The following CALN1 variants were observed in gnomAD, a reference collection of about 807,000 sequenced individuals.
CALN1 encodes calcium-binding protein 8.
In CALN1, 17 loss-of-function variants were observed where a neutral mutation model predicts 30.6. The ratio of observed to expected loss-of-function variants is 0.56; its 90% CI spans 0.38 to 0.83. CALN1 has a LOEUF of 0.83. CALN1 is among the 40% of genes least tolerant of loss of function. CALN1 has a pLI of 0.00. For synonymous variants in CALN1, 156 were observed against 131.4 expected, an observed-to-expected ratio of 1.19 and a Z score of -1.28; for missense variants, 291 against 354.9, an observed-to-expected ratio of 0.82 and a Z score of 1.45.
the CALN1 span, among the ~76,000 whole-genome samples, chr7:72,494,058 G>T: frequency 3.3e-5 from 5 of 152,114 alleles, no homozygotes; most frequent in African/African-American, 1.2e-4. Context: ...GGGCATGGTG[G>T]TGCATGCCTG....
chr7:72,168,537 A>G (rs1788694260), intron 3 of CALN1, among the ~76,000 whole-genome samples: 1 of 152,156 alleles, frequency 6.6e-6, no homozygotes, highest in South Asian at 2.1e-4. Flanking sequence ...TTTTATTTAT[A>G]ATGTTTGTGT....
At chr7:72,320,205 G>C (rs971259152) in intron 2 of CALN1, among the ~76,000 whole-genome samples, 7 of 152,156 alleles carry the variant, frequency 4.6e-5, no homozygotes, top group African/African-American at 1.4e-4. Flanking sequence ...GGCAGAGAGG[G>C]AGGGCCAAGA....
chr7:72,333,043 A>C (rs999188767), intron 2 of CALN1, among the ~76,000 whole-genome samples: 6 of 152,124 alleles, frequency 3.9e-5, no homozygotes, highest in Non-Finnish European at 4.4e-5. Context: ...TCCCTGTCTC[A>C]ACCTTTAAGC....
At chr7:71,948,602 T>C (rs1190237557) in intron 5 of CALN1, among the ~76,000 whole-genome samples, 1 of 151,800 alleles carries the variant, frequency 6.6e-6, no homozygotes, top group Non-Finnish European at 1.5e-5. Flanking sequence ...TGGTGGTGCA[T>C]TGCCTGTAAT....
intron 2 of CALN1, among the ~76,000 whole-genome samples, chr7:72,318,401 CAGA>C (rs1183229260): frequency 6.6e-6 from 1 of 152,170 alleles, no homozygotes; most frequent in Non-Finnish European, 1.5e-5. Context: ...GAGCAAGGGA[CAGA>C]AGATCAGGAT....
At chr7:72,144,917 A>C (rs1404968920) in intron 3 of CALN1, among the ~76,000 whole-genome samples, 1 of 149,100 alleles carries the variant, frequency 6.7e-6, no homozygotes, top group Non-Finnish European at 1.5e-5. Flanking sequence ...TGTTCTTTGA[A>C]ACCAACGAGA....
rs543655098 is a variant in CALN1 at position 72,181,494 on chromosome 7, T to A, written c.245-75200A>T. ...AGTAAGGATTTCCATAACTTTTTTT[T>A]TTTTTTGAGAGTCTTGCTCTGTCAC... is the stretch of plus-strand genomic sequence containing the variant. On this transcript the variant is annotated intron_variant, in intron 3 of 6. Coordinates refer to ENST00000395275, the MANE Select transcript of CALN1 (RefSeq NM_031468.4). Among the ~76,000 whole-genome samples the A allele has an allele frequency of 3.9e-3, 13 of 3,332 alleles. 1 individual carries two copies. In the South Asian group the frequency reaches 0.35, roughly 90 times the overall value. The allele number at this position is 3,332 out of a possible 152,430, so 2.2% of individuals were successfully genotyped here. A position where few individuals can be genotyped will look rare whatever the true frequency, so the allele number is the denominator to read the frequency against.
chr7:72,370,062 T>G (rs866283648), intron 2 of CALN1, among the ~76,000 whole-genome samples: 2 of 152,210 alleles, frequency 1.3e-5, no homozygotes, highest in African/African-American at 4.8e-5. Flanking sequence ...TACAAAATAG[T>G]TGTACCATTT....
chr7:72,069,361 T>TA (rs796346147), intron 4 of CALN1, among the ~76,000 whole-genome samples: 20 of 152,192 alleles, frequency 1.3e-4, no homozygotes, highest in African/African-American at 3.6e-4. Flanking sequence ...CTGGTGGCTT[T>TA]AAAAAAACAA....
rs1432475125 is a variant in CALN1, at chr7:72,424,615, G to C, written c.-225-12340C>G. Among the ~76,000 whole-genome samples the C allele has an allele frequency of 2.0e-5, 3 of 150,908 alleles. No homozygotes were observed. The South Asian group carries it at 6.3e-4, about 32-fold the overall frequency. ...ATTTATTTTATTTTATTTTTTTTTAGAGAACGTGTCTCACTGTATCACCCA... is the reference window on the plus strand; with the variant it reads ...ATTTATTTTATTTTATTTTTTTTTACAGAACGTGTCTCACTGTATCACCCA... On this transcript the variant is annotated intron_variant, in intron 1 of 6. Transcript: ENST00000395276.
intron 2 of CALN1, among the ~76,000 whole-genome samples, chr7:72,299,696 T>TTC (rs1207007236): frequency 7.4e-6 from 1 of 135,536 alleles, no homozygotes; most frequent in Non-Finnish European, 1.6e-5. Flanking sequence ...TATCTTTTTT[T>TTC]TTTTTTTTTT....
chr7:72,106,324 G>A (rs1457065330), intron 3 of CALN1, 30 bp from the exon 4 acceptor site: 1 of 1,612,648 alleles, frequency 6.2e-7, no homozygotes, highest in South Asian at 1.1e-5. Context: ...AAAGTCCAGT[G>A]GTCACATGGC....
intron 3 of CALN1, among the ~76,000 whole-genome samples, chr7:72,170,689 G>A (rs1788882411): frequency 6.6e-6 from 1 of 152,148 alleles, no homozygotes; most frequent in Non-Finnish European, 1.5e-5. Flanking sequence ...TCATTGTCAT[G>A]TCTTTATCAA....
intron 5 of CALN1, among the ~76,000 whole-genome samples, chr7:71,965,568 CAACAAACAAACA>C (rs3064969): frequency 2.6e-5 from 4 of 151,700 alleles, no homozygotes; most frequent in Non-Finnish European, 5.9e-5. Context: ...AAAACAGTAA[CAACAAACAAACA>C]AACAAACAAA....
chr7:71,833,683 G>A (rs1022178721), intron 5 of CALN1, among the ~76,000 whole-genome samples: 3 of 152,072 alleles, frequency 2.0e-5, no homozygotes, highest in Non-Finnish European at 2.9e-5. Context: ...AAGCAGGACT[G>A]CTTGAGGCCA....
chr7:72,370,095 G>T (rs929954374), intron 2 of CALN1, among the ~76,000 whole-genome samples: 8 of 152,166 alleles, frequency 5.3e-5, no homozygotes, highest in Non-Finnish European at 1.2e-4. Flanking sequence ...AGTCATGCAT[G>T]AGAGTTCCAA....
At chr7:72,362,566 G>C (rs1231630853) in intron 2 of CALN1, among the ~76,000 whole-genome samples, 1 of 152,152 alleles carries the variant, frequency 6.6e-6, no homozygotes, top group Non-Finnish European at 1.5e-5. Context: ...TTCTTTCACA[G>C]ATAATGATTC....
chr7:72,353,752 A>G (rs1381402620), intron 2 of CALN1, among the ~76,000 whole-genome samples: 1 of 152,216 alleles, frequency 6.6e-6, no homozygotes, highest in Non-Finnish European at 1.5e-5. Flanking sequence ...GGTAAGTAAG[A>G]AGTAAAATTG....
chr7:72,362,401 C>CT (rs557496475), intron 2 of CALN1, among the ~76,000 whole-genome samples: 23 of 152,290 alleles, frequency 1.5e-4, no homozygotes, highest in African/African-American at 5.3e-4. Flanking sequence ...ACAGAGCACT[C>CT]TAAGTCTCCA....
Sources: allele counts gnomAD v4.1 joint callset (sites outside exome capture counted in the v4.1 genomes callset), GRCh38; gene constraint gnomAD v4.1.1; transcripts MANE v1.5; gene names NCBI Gene and HGNC (gene_info 2026-07-23, HGNC 2026-07-21).